Variants in ITGBL1 observed in about 807,000 individuals in gnomAD.
The protein encoded by ITGBL1 is integrin beta-like protein 1.
Under a neutral mutation model 68.5 loss-of-function variants are expected in ITGBL1, and 51 were observed. The observed-to-expected ratio is 0.74, with a 90% CI of 0.59 to 0.94. ITGBL1 has a LOEUF of 0.94. ITGBL1 is among the 40% of genes least tolerant of loss of function. The pLI is 0.00. For synonymous variants in ITGBL1, 209 were observed against 227.3 expected (o/e 0.92, Z 0.72); for missense variants, 649 against 647.4 (o/e 1.00, Z -0.03).
intron 3 of ITGBL1, among the ~76,000 whole-genome samples, chr13:101,568,183 G>T (rs569294731): frequency 6.6e-6 from 1 of 152,162 alleles, no homozygotes; most frequent in East Asian, 1.9e-4. Flanking sequence ...ATTATTTTCT[G>T]TTACAGATCA....
chr13:101,572,399 C>T lies in ITGBL1; in HGVS notation c.464-3025C>T, dbSNP rs372093513. ...AAAAGTAGAAGGGAGGTCCAGTGTGCAGAGCAGGGTGAGGCCCCGGCACCA... is the reference window on the plus strand; with the variant it reads ...AAAAGTAGAAGGGAGGTCCAGTGTGTAGAGCAGGGTGAGGCCCCGGCACCA... On this transcript the variant is annotated intron_variant, in intron 3 of 10. Coordinates refer to ENST00000376180, the MANE Select transcript of ITGBL1 (RefSeq NM_004791.3). 1.8e-4 allele frequency among the ~76,000 whole-genome samples: 28 copies of T among 152,122 alleles called. No individual in the cohort carries two copies. The South Asian group carries it at 5.2e-3, about 28-fold the overall frequency.
chr13:101,575,142 C>G (rs1291071756), intron 3 of ITGBL1, among the ~76,000 whole-genome samples: 1 of 151,984 alleles, frequency 6.6e-6, no homozygotes, highest in Non-Finnish European at 1.5e-5. Flanking sequence ...GGTTGGATGG[C>G]TATATGTGGA....
intron 7 of ITGBL1, among the ~76,000 whole-genome samples, chr13:101,641,906 G>T (rs949456782): frequency 2.4e-4 from 36 of 151,720 alleles, no homozygotes; most frequent in Admixed American, 5.2e-4. Flanking sequence ...CCTTTTTTAT[G>T]GCTACATAGT....
At chr13:101,586,177 A>G (rs919908642) in intron 6 of ITGBL1, among the ~76,000 whole-genome samples, 3 of 152,132 alleles carry the variant, frequency 2.0e-5, no homozygotes, top group South Asian at 2.1e-4. Flanking sequence ...CACCTCACCT[A>G]TTCCCCTCCA....
chr13:101,539,307 G>A (rs1355121629), intron 2 of ITGBL1, among the ~76,000 whole-genome samples: 5 of 150,770 alleles, frequency 3.3e-5, no homozygotes, highest in Non-Finnish European at 4.4e-5. Context: ...GTGGTGTTTG[G>A]TTTTTTATCC....
intron 2 of ITGBL1, among the ~76,000 whole-genome samples, chr13:101,503,497 C>A (rs543463370): frequency 6.6e-6 from 1 of 152,212 alleles, no homozygotes; most frequent in East Asian, 1.9e-4. Flanking sequence ...GAAAGGGCCC[C>A]CAGGTGGGCC....
intron 8 of ITGBL1, among the ~76,000 whole-genome samples, chr13:101,698,704 C>T (rs567557950): frequency 7.2e-5 from 11 of 152,206 alleles, no homozygotes; most frequent in East Asian, 1.9e-4. Context: ...AGTGATAGTT[C>T]GTAAGATTTA....
At chr13:101,664,514 G>T (rs1185023284) in intron 7 of ITGBL1, among the ~76,000 whole-genome samples, 1 of 151,812 alleles carries the variant, frequency 6.6e-6, no homozygotes, top group African/African-American at 2.4e-5. Flanking sequence ...TTTTATTTAT[G>T]TCTATAATGT....
chr13:101,516,487 A>G (rs1029579428), intron 2 of ITGBL1, among the ~76,000 whole-genome samples: 1 of 152,186 alleles, frequency 6.6e-6, no homozygotes, highest in Non-Finnish European at 1.5e-5. Context: ...AGGCATTTGC[A>G]TTCAATTTCT....
chr13:101,505,996 CA>C (rs1458412142), intron 2 of ITGBL1, among the ~76,000 whole-genome samples: 1 of 152,186 alleles, frequency 6.6e-6, no homozygotes, highest in Non-Finnish European at 1.5e-5. Context: ...CCTGGGATGA[CA>C]GTACAGTAGT....
At chr13:101,509,538 A>G (rs1002553899) in intron 2 of ITGBL1, among the ~76,000 whole-genome samples, 7 of 152,144 alleles carry the variant, frequency 4.6e-5, no homozygotes, top group Admixed American at 2.6e-4. Context: ...GACCCGGTTT[A>G]CTTAGCACAT....
intron 2 of ITGBL1, among the ~76,000 whole-genome samples, chr13:101,554,962 T>G (rs954843777): frequency 2.6e-5 from 4 of 152,228 alleles, no homozygotes; most frequent in African/African-American, 9.6e-5. Flanking sequence ...TGTGTCAGGA[T>G]ACTATGAGTT....
At chr13:101,499,409 C>T (rs1360919024) in intron 2 of ITGBL1, among the ~76,000 whole-genome samples, 1 of 152,152 alleles carries the variant, frequency 6.6e-6, no homozygotes, top group Non-Finnish European at 1.5e-5. Context: ...ATTGTATCAG[C>T]AGCATAGATG....
intron 7 of ITGBL1, among the ~76,000 whole-genome samples, chr13:101,692,051 T>A (rs2033893728): frequency 6.6e-6 from 1 of 152,212 alleles, no homozygotes; most frequent in Non-Finnish European, 1.5e-5. Flanking sequence ...ATTTAGGTTA[T>A]GCTCTTTGAC....
chr13:101,587,851 G>A (rs929630226), intron 6 of ITGBL1, among the ~76,000 whole-genome samples: 2 of 152,138 alleles, frequency 1.3e-5, no homozygotes, highest in Non-Finnish European at 2.9e-5. Flanking sequence ...AAAAAAAATA[G>A]CAAGTACTAC....
intron 4 of ITGBL1, among the ~76,000 whole-genome samples, chr13:101,576,966 AG>A (rs1372881701): frequency 7.0e-6 from 1 of 143,234 alleles, no homozygotes; most frequent in Non-Finnish European, 1.5e-5. Context: ...AAAAAAAAAA[AG>A]AAGAAGACGG....
intron 7 of ITGBL1, among the ~76,000 whole-genome samples, chr13:101,669,629 C>T (rs1454666606): frequency 6.6e-6 from 1 of 152,088 alleles, no homozygotes; most frequent in Non-Finnish European, 1.5e-5. Context: ...TATTGATCTG[C>T]TCTCAGTGAA....
chr13:101,626,928 C>A (rs2031801182), intron 7 of ITGBL1, among the ~76,000 whole-genome samples: 1 of 152,118 alleles, frequency 6.6e-6, no homozygotes, highest in Non-Finnish European at 1.5e-5. Context: ...ACTGGTATAT[C>A]TTAAAAAGAG....
intron 2 of ITGBL1, among the ~76,000 whole-genome samples, chr13:101,540,138 C>T (rs933110353): frequency 2.0e-5 from 3 of 152,090 alleles, no homozygotes; most frequent in African/African-American, 7.2e-5. Context: ...ATGCCTATGT[C>T]CTGAATGGTA....
Sources: gnomAD v4.1 joint callset for allele counts (sites outside exome capture counted in the v4.1 genomes callset) on GRCh38, gnomAD v4.1.1 for gene constraint, MANE v1.5 for transcripts, NCBI Gene and HGNC (gene_info 2026-07-23, HGNC 2026-07-21) for gene names.